The following EPHA5 variants were observed in gnomAD, a reference collection of about 807,000 sequenced individuals.
EPHA5 encodes the protein EPH receptor A5.
In EPHA5, 60 loss-of-function variants were observed where a neutral mutation model predicts 105.0. The ratio of observed to expected loss-of-function variants is 0.57; its 90% confidence interval spans 0.46 to 0.71. The LOEUF (loss-of-function observed/expected upper bound fraction) is 0.71, where lower values mean the gene tolerates loss of function less well. Ranked by LOEUF, EPHA5 falls within the 30% of genes least tolerant of loss-of-function variation. EPHA5 has a pLI of 0.00. For synonymous variants in EPHA5, 513 were observed against 449.1 expected (o/e 1.14, Z -1.80); for missense variants, 1,218 against 1,274.7 (o/e 0.96, Z 0.68).
At chr4:65,423,132 A>G (rs916115781) in intron 5 of EPHA5, among the ~76,000 whole-genome samples, 1 of 151,956 alleles carries the variant, frequency 6.6e-6, no homozygotes, top group Non-Finnish European at 1.5e-5. Context: ...CTGGTTGGGT[A>G]TTTTGTAAGC....
chr4:65,475,269 T>C (rs1729682769), intron 5 of EPHA5, among the ~76,000 whole-genome samples: 1 of 152,176 alleles, frequency 6.6e-6, no homozygotes, highest in African/African-American at 2.4e-5. Flanking sequence ...AAATGTTCAA[T>C]TGAGTATAAC....
chr4:65,578,852 T>C (rs1741326323), intron 3 of EPHA5, among the ~76,000 whole-genome samples: 1 of 152,138 alleles, frequency 6.6e-6, no homozygotes, highest in African/African-American at 2.4e-5. Flanking sequence ...AGCATGCTTC[T>C]AGAGCCTATA....
Position 65,563,262 on chromosome 4 carries a change from G to A in EPHA5, c.910+38379C>T, listed in dbSNP as rs145456486. Among the ~76,000 whole-genome samples, 236 of 152,040 alleles carry A rather than the reference G, an allele frequency of 1.6e-3. 2 individuals carry two copies. The highest frequency in any genetic ancestry group is 5.4e-3 in the African/African-American group (223 of 41,508). Reference sequence around the variant, plus strand: ...TTTATTTCTCAGGTGCTGCTAAGGCGTTGATGGCTGATGAAAACAAAACTG... The same window carrying A: ...TTTATTTCTCAGGTGCTGCTAAGGCATTGATGGCTGATGAAAACAAAACTG... On this transcript the variant is annotated intron_variant, in intron 3 of 16. Coordinates refer to ENST00000613740, the MANE Select transcript of EPHA5 (RefSeq NM_001281766.3).
At chr4:65,477,815 C>A (rs1354164766) in intron 5 of EPHA5, among the ~76,000 whole-genome samples, 3 of 152,076 alleles carry the variant, frequency 2.0e-5, no homozygotes, top group South Asian at 2.1e-4. Context: ...AAATAAATTT[C>A]TTTGCAGCAC....
intron 7 of EPHA5, among the ~76,000 whole-genome samples, chr4:65,409,373 A>AT (rs1722701983): frequency 6.7e-6 from 1 of 150,336 alleles, no homozygotes; most frequent in African/African-American, 2.4e-5. Flanking sequence ...AAATAAATAA[A>AT]AGAGCTTTGT....
intron 3 of EPHA5, among the ~76,000 whole-genome samples, chr4:65,531,024 A>AT (rs1291125567): frequency 4.9e-4 from 38 of 77,256 alleles, no homozygotes; most frequent in African/African-American, 1.9e-3. Flanking sequence ...TATTTTTTTT[A>AT]TTTTTTTTAT....
intron 3 of EPHA5, among the ~76,000 whole-genome samples, chr4:65,557,108 T>A (rs901940742): frequency 6.6e-6 from 1 of 151,552 alleles, no homozygotes; most frequent in African/African-American, 2.4e-5. Context: ...AACAGCATTA[T>A]AATTTATATG....
chr4:65,446,762 A>T (rs1726576855), intron 5 of EPHA5, among the ~76,000 whole-genome samples: 1 of 152,188 alleles, frequency 6.6e-6, no homozygotes, highest in Non-Finnish European at 1.5e-5. Context: ...TCATTGTATG[A>T]TATTGAGATA....
At chr4:65,592,146 C>A (rs1742725047) in intron 3 of EPHA5, among the ~76,000 whole-genome samples, 1 of 152,088 alleles carries the variant, frequency 6.6e-6, no homozygotes, top group Non-Finnish European at 1.5e-5. Context: ...CCTGAAAATG[C>A]TTCAGGTATA....
intron 3 of EPHA5, among the ~76,000 whole-genome samples, chr4:65,591,971 A>G (rs1742708064): frequency 6.6e-6 from 1 of 152,124 alleles, no homozygotes; most frequent in Non-Finnish European, 1.5e-5. Context: ...AGTATTGGGA[A>G]GGTTCAAGTA....
intron 3 of EPHA5, among the ~76,000 whole-genome samples, chr4:65,531,883 G>C (rs1317076150): frequency 2.0e-5 from 3 of 152,152 alleles, no homozygotes; most frequent in African/African-American, 7.2e-5. Flanking sequence ...GCTTTCACTT[G>C]TATTAAGCAA....
chr4:65,654,150 C>A (rs1184748489), intron 1 of EPHA5, among the ~76,000 whole-genome samples: 9 of 151,788 alleles, frequency 5.9e-5, no homozygotes, highest in Non-Finnish European at 8.8e-5. Flanking sequence ...AACCATAACA[C>A]CATGAACATG....
At chr4:65,461,483 T>C (rs1728116807) in intron 5 of EPHA5, among the ~76,000 whole-genome samples, 1 of 152,054 alleles carries the variant, frequency 6.6e-6, no homozygotes, top group African/African-American at 2.4e-5. Flanking sequence ...TTTACTACCA[T>C]GTAACAGGTA....
At chr4:65,616,093 A>G (rs1423116032) in intron 2 of EPHA5, among the ~76,000 whole-genome samples, 1 of 151,982 alleles carries the variant, frequency 6.6e-6, no homozygotes, top group African/African-American at 2.4e-5. Flanking sequence ...ATCATGGAAT[A>G]CGACTCAACA....
chr4:65,458,354 T>C (rs1727810912), intron 5 of EPHA5, among the ~76,000 whole-genome samples: 1 of 152,144 alleles, frequency 6.6e-6, no homozygotes, highest in African/African-American at 2.4e-5. Flanking sequence ...TCATCCCTTA[T>C]ACAGCATGAA....
chr4:65,384,978 C>T (rs927640329), intron 8 of EPHA5, among the ~76,000 whole-genome samples: 3 of 151,562 alleles, frequency 2.0e-5, no homozygotes, highest in African/African-American at 7.3e-5. Context: ...ACGTCTGTCT[C>T]GGGGGCCTCT....
At chr4:65,324,465 A>G (rs1159861812) in intron 16 of EPHA5, among the ~76,000 whole-genome samples, 1 of 151,490 alleles carries the variant, frequency 6.6e-6, no homozygotes, top group African/African-American at 2.4e-5. Flanking sequence ...GGACATCACT[A>G]TTTTAGTGGT....
chr4:65,476,840 C>G (rs1461065788), intron 5 of EPHA5, among the ~76,000 whole-genome samples: 1 of 151,988 alleles, frequency 6.6e-6, no homozygotes, highest in Non-Finnish European at 1.5e-5. Flanking sequence ...AAATCTGAAC[C>G]TATCTATTAA....
Position 65,335,939 on chromosome 4 carries a change from A to C in EPHA5, c.2782T>G (p.Ser928Ala). ...TCGGATCTGGCCTTGTACCTGCAGG[A>C]TGCATTAACCAGCGTCTTCAGACTA... ...PSSLKTLVNA[S>A]CRVSNLLAEH... is the part of the protein sequence containing the mutation. The change falls in exon 15 of 17, where the codon TCC becomes GCC. Residue 928 changes from serine to alanine, a missense_variant. This residue lies in a region of EPHA5 where 971 missense variants were observed against 1,013.5 expected (regional missense o/e 0.96). Transcript: ENST00000613740. The C allele has an allele frequency of 6.2e-7, 1 of 1,609,488 alleles. No homozygotes were observed. The highest frequency in any genetic ancestry group is 8.5e-7 in the Non-Finnish European group (1 of 1,177,570).
Sources: gnomAD v4.1 joint callset for allele counts (sites outside exome capture counted in the v4.1 genomes callset) on GRCh38, gnomAD v4.1.1 for gene constraint, gnomAD v4.1.1 regional missense constraint, MANE v1.5 for transcripts, NCBI Gene and HGNC (gene_info 2026-07-23, HGNC 2026-07-21) for gene names.